EFHB: variants seen among roughly 807,000 people sequenced by gnomAD.
EFHB encodes EF-hand domain-containing family member B.
Under a neutral mutation model 87.2 loss-of-function variants are expected in EFHB, and 91 were observed. The ratio of observed to expected loss-of-function variants is 1.04; its 90% confidence interval spans 0.88 to 1.24. The LOEUF (loss-of-function observed/expected upper bound fraction) is 1.24. Among genes scored for constraint, EFHB ranks in the 50% most tolerant of loss-of-function variants. The pLI, the probability that EFHB is intolerant of heterozygous loss-of-function variation, is 0.00. For synonymous variants in EFHB, 325 were observed against 333.6 expected, an observed-to-expected ratio of 0.97 and a Z score of 0.28; for missense variants, 1,084 against 998.8, an observed-to-expected ratio of 1.09 and a Z score of -1.15.
At chr3:19,905,780 T>A in intron 5 of EFHB, 31 bp from the exon 6 acceptor site, 1 of 1,583,230 alleles carries the variant, frequency 6.3e-7, no homozygotes, top group Non-Finnish European at 8.6e-7. Flanking sequence ...ACTTATGACT[T>A]AAGCAACACG....
chr3:19,922,522 T>C (rs1447834156), intron 1 of EFHB, among the ~76,000 whole-genome samples: 1 of 152,184 alleles, frequency 6.6e-6, no homozygotes. Context: ...CATTAATAAG[T>C]AAAAGTATAC....
chr3:19,899,622 C>T (rs1028322683), intron 6 of EFHB, 107 bp from the exon 7 acceptor site: 1 of 653,396 alleles, frequency 1.5e-6, no homozygotes, highest in Non-Finnish European at 2.3e-6. Context: ...CTTCCAGGAA[C>T]AAATGTAGTT....
chr3:19,879,748 A>G lies in EFHB; in HGVS notation c.2385T>C (p.Asn795=). The change falls in exon 13 of 13, where the codon AAT becomes AAC. Residue 795 remains asparagine (N), a synonymous_variant. Transcript: ENST00000295824. ...GCTTTTTTGATGCAAGATTCCATACATTTTCAAATTCTTCATCAGACAGTT... is the reference window on the plus strand; with the variant it reads ...GCTTTTTTGATGCAAGATTCCATACGTTTTCAAATTCTTCATCAGACAGTT... ...GVKLSDEEFE[N]VWNLASKKHH... is the part of the protein sequence containing the mutation. The G allele has an allele frequency of 2.5e-6, 4 of 1,609,758 alleles. No individual in the cohort carries two copies. Among genetic ancestry groups the G allele is most frequent in the Middle Eastern group, 3.3e-4 (2 of 6,050 alleles).
chr3:19,922,867 T>G (rs1695485077), intron 1 of EFHB, among the ~76,000 whole-genome samples: 1 of 152,218 alleles, frequency 6.6e-6, no homozygotes, highest in Non-Finnish European at 1.5e-5. Flanking sequence ...AAGTTTCAAC[T>G]ATTATTACAT....
At chr3:19,944,362 A>T (rs1423138660) in intron 1 of EFHB, among the ~76,000 whole-genome samples, 1 of 152,214 alleles carries the variant, frequency 6.6e-6, no homozygotes, top group Non-Finnish European at 1.5e-5. Context: ...CATCAAAGAC[A>T]GTGTTTAAGT....
At chr3:19,898,716 C>T (rs959484758) in intron 8 of EFHB, 62 bp downstream of exon 8, 33 of 1,522,254 alleles carry the variant, frequency 2.2e-5, no homozygotes, top group Non-Finnish European at 2.9e-5. Context: ...AACTGCATAA[C>T]TTTGTGGGGA....
At chr3:19,913,701 G>A (rs114669902) in intron 5 of EFHB, among the ~76,000 whole-genome samples, 71 of 152,176 alleles carry the variant, frequency 4.7e-4, no homozygotes, top group African/African-American at 1.7e-3. Context: ...AAATCCTAAA[G>A]TGTATATGAA....
Position 19,933,841 on chromosome 3 carries a change from G to A in EFHB, c.178C>T (p.Pro60Ser), listed in dbSNP as rs764029964. 1.2e-6 allele frequency: 2 copies of A among 1,613,828 alleles called. No homozygotes were observed. Among genetic ancestry groups the A allele is most frequent in the East Asian group, 4.5e-5 (2 of 44,868 alleles). ...SNKCEGRMAPPETKFPLSKGL... is the reference protein window; with the variant it reads ...SNKCEGRMAPSETKFPLSKGL... ...TTGCTCAATGGAAATTTTGTTTCTG[G>A]TGGTGCCATCCTTCCCTCACACTTA... The change falls in exon 1 of 13, where the codon CCA becomes TCA. Residue 60 changes from proline to serine, a missense_variant. Coordinates refer to ENST00000295824, the MANE Select transcript of EFHB (RefSeq NM_144715.4).
intron 5 of EFHB, among the ~76,000 whole-genome samples, chr3:19,910,301 G>T (rs1695010208): frequency 6.6e-6 from 1 of 152,114 alleles, no homozygotes; most frequent in African/African-American, 2.4e-5. Context: ...GAGAACATTG[G>T]TGGTAGTCTG....
At chr3:19,882,449 T>C (rs370183334) in intron 12 of EFHB, 101 bp downstream of exon 12, 2 of 1,135,944 alleles carry the variant, frequency 1.8e-6, no homozygotes, top group Middle Eastern at 3.2e-4. Context: ...TTGGGGATCC[T>C]GTAGACTTTT....
At chr3:19,880,458 G>A (rs1251249923) in intron 12 of EFHB, among the ~76,000 whole-genome samples, 1 of 151,862 alleles carries the variant, frequency 6.6e-6, no homozygotes, top group Non-Finnish European at 1.5e-5. Context: ...CACCATGCTG[G>A]CCAGGCTGGT....
intron 2 of EFHB, 59 bp from the exon 3 acceptor site, chr3:19,920,035 A>T (rs1219193410): frequency 1.9e-6 from 3 of 1,567,720 alleles, no homozygotes; most frequent in Non-Finnish European, 2.6e-6. Context: ...TATTAACAGG[A>T]CTGATCTATA....
intron 6 of EFHB, among the ~76,000 whole-genome samples, chr3:19,904,992 T>C (rs1458294580): frequency 6.6e-6 from 1 of 152,206 alleles, no homozygotes; most frequent in African/African-American, 2.4e-5. Context: ...AATTTTGTTT[T>C]CTAAGGAAGT....
chr3:19,882,638 C>A lies in EFHB; in HGVS notation c.2240G>T (p.Gly747Val), dbSNP rs2071707657. The part of the protein sequence containing the change: ...ISDRTNYGEE[G>V]SAYSLLYPTI... ...AGGATATAGTAGTGAATATGCACTA[C>A]CTTCTTCACCATAATTAGTTCTGTC... The change falls in exon 12 of 13, where the codon GGT becomes GTT. Residue 747 changes from glycine (G) to valine (V), a missense_variant. Transcript: ENST00000295824. The A allele has an allele frequency of 1.2e-6, 2 of 1,613,656 alleles. No individual in the cohort carries two copies. The highest frequency in any genetic ancestry group is 8.5e-7 in the Non-Finnish European group (1 of 1,179,726).
intron 5 of EFHB, among the ~76,000 whole-genome samples, chr3:19,911,907 T>A (rs1695076137): frequency 6.6e-6 from 1 of 152,138 alleles, no homozygotes; most frequent in South Asian, 2.1e-4. Context: ...GCCCAGGAAT[T>A]CGAGACTAGC....
intron 5 of EFHB, among the ~76,000 whole-genome samples, chr3:19,908,481 C>T (rs1175380987): frequency 6.7e-6 from 1 of 150,092 alleles, no homozygotes; most frequent in Non-Finnish European, 1.5e-5. Context: ...TGCAGTGAGC[C>T]GAGATCAGGC....
chr3:19,889,472 A>C (rs1056864293), intron 9 of EFHB, among the ~76,000 whole-genome samples: 1 of 152,192 alleles, frequency 6.6e-6, no homozygotes, highest in Non-Finnish European at 1.5e-5. Flanking sequence ...CCTGAGAGGA[A>C]ATAACTCCCA....
intron 1 of EFHB, among the ~76,000 whole-genome samples, chr3:19,931,323 G>A (rs1162571480): frequency 6.6e-6 from 1 of 152,212 alleles, no homozygotes; most frequent in Non-Finnish European, 1.5e-5. Context: ...TAGAAAGGAA[G>A]GTATGCGAAG....
At chr3:19,911,844 C>T (rs543242061) in intron 5 of EFHB, among the ~76,000 whole-genome samples, 5 of 152,084 alleles carry the variant, frequency 3.3e-5, no homozygotes, top group African/African-American at 9.7e-5. Flanking sequence ...AGCATGGTGG[C>T]TCACATTTGT....
Sources: allele counts gnomAD v4.1 joint callset (sites outside exome capture counted in the v4.1 genomes callset), GRCh38; gene constraint gnomAD v4.1.1; transcripts MANE v1.5; gene names NCBI Gene and HGNC (gene_info 2026-07-23, HGNC 2026-07-21).